GABRA3: variants seen among roughly 807,000 people sequenced by gnomAD.
The protein encoded by GABRA3 is gamma-aminobutyric acid type A receptor subunit alpha3, also known as gamma-aminobutyric acid receptor subunit alpha-3.
In GABRA3, 10 loss-of-function variants were observed where a neutral mutation model predicts 30.1. That is an observed-to-expected ratio of 0.33 (90% CI 0.20 to 0.56). The LOEUF is 0.56. GABRA3 is among the 20% of genes least tolerant of loss of function. GABRA3 has a pLI of 0.89. For missense variants in GABRA3, 233 were observed against 392.0 expected, an observed-to-expected ratio of 0.59 and a Z score of 3.42; for synonymous variants, 151 against 146.8, an observed-to-expected ratio of 1.03 and a Z score of -0.21.
chrX:152,374,165 T>A (rs1447769426), intron 1 of GABRA3, among the ~76,000 whole-genome samples: 7 of 110,193 alleles, frequency 6.4e-5, no homozygotes, highest in Non-Finnish European at 1.3e-4. Context: ...TGCTTGTAAG[T>A]TTGTTTAGAT....
chrX:152,306,160 T>C (rs765393211), intron 3 of GABRA3, among the ~76,000 whole-genome samples: 2 of 112,225 alleles, frequency 1.8e-5, no homozygotes, highest in South Asian at 3.7e-4. Flanking sequence ...GTCAAATATC[T>C]AGACCCTTGG....
chrX:152,241,741 A>G (rs1342251630), intron 5 of GABRA3, among the ~76,000 whole-genome samples: 3 of 109,102 alleles, frequency 2.7e-5, no homozygotes, highest in African/African-American at 6.6e-5. Flanking sequence ...GAAAAGCGCA[A>G]TATTCGGGTG....
intron 4 of GABRA3, 34 bp from the exon 5 acceptor site, chrX:152,256,032 T>C (rs771855940): frequency 7.4e-6 from 8 of 1,074,855 alleles, no homozygotes; most frequent in African/African-American, 7.4e-5. Context: ...AATGTTTCAG[T>C]TGAGTTCTGG....
intron 5 of GABRA3, among the ~76,000 whole-genome samples, chrX:152,239,955 C>T (rs1316043828): frequency 2.0e-5 from 2 of 99,890 alleles, no homozygotes; most frequent in Non-Finnish European, 3.9e-5. Flanking sequence ...TCCAATTTGC[C>T]AGTCTGTGTC....
At chrX:152,394,167 A>G (rs1929578946) in intron 1 of GABRA3, among the ~76,000 whole-genome samples, 1 of 111,751 alleles carries the variant, frequency 8.9e-6, no homozygotes, top group African/African-American at 3.3e-5. Flanking sequence ...TTTGCAGGAA[A>G]CTGAAGCATG....
intron 1 of GABRA3, among the ~76,000 whole-genome samples, chrX:152,377,280 T>C (rs1035193867): frequency 1.8e-5 from 2 of 111,491 alleles, no homozygotes; most frequent in African/African-American, 6.5e-5. Context: ...CAACAACTCA[T>C]AAAACCTTCT....
At chrX:152,332,001 C>G (rs946105954) in intron 3 of GABRA3, among the ~76,000 whole-genome samples, 2 of 111,854 alleles carry the variant, frequency 1.8e-5, no homozygotes, top group Non-Finnish European at 3.8e-5. Flanking sequence ...GTTACACTAC[C>G]ACACATCTTC....
At chrX:152,216,389 AACACACACACACACACACAC>A (rs60255687) in intron 6 of GABRA3, among the ~76,000 whole-genome samples, 94 of 77,614 alleles carry the variant, frequency 1.2e-3, no homozygotes, top group East Asian at 9.3e-3. Context: ...ATAATATATA[AACACACACACACACACACAC>A]ACACACACAC....
intron 3 of GABRA3, among the ~76,000 whole-genome samples, chrX:152,285,674 G>T (rs1939279779): frequency 9.0e-6 from 1 of 110,783 alleles, no homozygotes; most frequent in Non-Finnish European, 1.9e-5. Context: ...ATTGCTCACA[G>T]TTCTGGAGTC....
At chrX:152,184,129 C>T (rs1210587995) in intron 9 of GABRA3, among the ~76,000 whole-genome samples, 1 of 110,898 alleles carries the variant, frequency 9.0e-6, no homozygotes, top group East Asian at 2.8e-4. Context: ...TATATAGCAT[C>T]CTGTTCTTAT....
intron 9 of GABRA3, among the ~76,000 whole-genome samples, chrX:152,175,393 TA>T (rs1331394436): frequency 1.8e-5 from 2 of 111,240 alleles, no homozygotes; most frequent in African/African-American, 6.5e-5. Context: ...ATCATCCATT[TA>T]TTTAATATTT....
chrX:152,190,038 C>T, intron 8 of GABRA3, 97 bp from the exon 9 acceptor site: 1 of 609,687 alleles, frequency 1.6e-6, no homozygotes, highest in East Asian at 3.6e-5. Flanking sequence ...AGAAGCTTTA[C>T]CCCACTCAAA....
At position 152,364,605 on chromosome X, in the gene GABRA3, T is replaced by C. The variant is rs755020356; in HGVS notation, c.-26-9A>G. 8.6e-7 allele frequency: 1 copy of C among 1,169,007 alleles called. No individual in the cohort carries two copies. Among genetic ancestry groups the C allele is most frequent in the East Asian group, 3.0e-5 (1 of 33,275 alleles). ...CACAAACTTGGAGAGACCTGTGAGA[T>C]TCACAGTTTAGATAAGGGATAAGAG... On this transcript the variant is annotated splice_polypyrimidine_tract_variant and intron_variant, in intron 1 of 9. Coordinates refer to ENST00000370314, the MANE Select transcript of GABRA3 (RefSeq NM_000808.4).
intron 2 of GABRA3, among the ~76,000 whole-genome samples, chrX:152,363,017 G>T (rs941522445): frequency 8.9e-6 from 1 of 112,017 alleles, no homozygotes; most frequent in Non-Finnish European, 1.9e-5. Flanking sequence ...TAGACAGTTG[G>T]ATATAGAAGT....
chrX:152,290,444 T>G (rs1430355280), intron 3 of GABRA3, among the ~76,000 whole-genome samples: 1 of 111,880 alleles, frequency 8.9e-6, no homozygotes, highest in Non-Finnish European at 1.9e-5. Flanking sequence ...TTGCAAAAAT[T>G]TTCTCCCATT....
intron 4 of GABRA3, among the ~76,000 whole-genome samples, chrX:152,257,308 T>A (rs1377850524): frequency 9.0e-6 from 1 of 110,913 alleles, no homozygotes; most frequent in Non-Finnish European, 1.9e-5. Context: ...ACTGAGAGGG[T>A]GAGTCCCAAA....
intron 1 of GABRA3, among the ~76,000 whole-genome samples, chrX:152,423,366 T>A (rs1930425047): frequency 8.9e-6 from 1 of 112,182 alleles, no homozygotes; most frequent in African/African-American, 3.2e-5. Flanking sequence ...AGAAAAAGAA[T>A]AAGTGAAATT....
intron 1 of GABRA3, among the ~76,000 whole-genome samples, chrX:152,380,077 C>T (rs1000883268): frequency 4.5e-5 from 5 of 111,538 alleles, no homozygotes; most frequent in Non-Finnish European, 9.4e-5. Context: ...ATTAACATAT[C>T]GATCACTTTT....
intron 1 of GABRA3, among the ~76,000 whole-genome samples, chrX:152,444,746 T>G (rs1165755118): frequency 6.4e-5 from 5 of 77,890 alleles, no homozygotes; most frequent in African/African-American, 2.3e-4. Context: ...TTTTTTTTTT[T>G]TGTTTTTTTT....
Sources: gnomAD v4.1 joint callset for allele counts (sites outside exome capture counted in the v4.1 genomes callset) on GRCh38, gnomAD v4.1.1 for gene constraint, MANE v1.5 for transcripts, NCBI Gene and HGNC (gene_info 2026-07-23, HGNC 2026-07-21) for gene names.